DMD: variants seen among roughly 807,000 people sequenced by gnomAD.
DMD encodes dystrophin, also known as mutant dystrophin.
Under a neutral mutation model 330.1 loss-of-function variants are expected in DMD, and 63 were observed. The ratio of observed to expected loss-of-function variants is 0.19; its 90% CI spans 0.16 to 0.24. The LOEUF (loss-of-function observed/expected upper bound fraction) is 0.24. Ranked by LOEUF, DMD falls within the 10% of genes least tolerant of loss-of-function variation. DMD has a pLI of 1.00. For synonymous variants in DMD, 1,223 were observed against 959.8 expected, an observed-to-expected ratio of 1.27 and a Z score of -5.07; for missense variants, 3,344 against 2,684.1, an observed-to-expected ratio of 1.25 and a Z score of -5.43.
intron 11 of DMD, among the ~76,000 whole-genome samples, chrX:32,630,715 C>G (rs1181514096): frequency 9.0e-6 from 1 of 111,713 alleles, no homozygotes; most frequent in East Asian, 2.8e-4. Context: ...GTGTAGGATT[C>G]TGAATTCCTT....
chrX:32,293,314 A>G (rs2097481626), intron 42 of DMD, among the ~76,000 whole-genome samples: 1 of 111,911 alleles, frequency 8.9e-6, no homozygotes, highest in Admixed American at 9.5e-5. Flanking sequence ...TTAGGGTGAA[A>G]AGAGTGAGAA....
At chrX:33,107,878 A>C (rs767940553) in intron 1 of DMD, among the ~76,000 whole-genome samples, 6 of 111,766 alleles carry the variant, frequency 5.4e-5, no homozygotes, top group African/African-American at 1.9e-4. Context: ...TTATCTAGGA[A>C]TATTTTTCCT....
intron 47 of DMD, among the ~76,000 whole-genome samples, chrX:31,890,329 T>C (rs1263515976): frequency 1.1e-5 from 1 of 94,992 alleles, no homozygotes; most frequent in African/African-American, 4.0e-5. Context: ...GGAGGCAACA[T>C]AGTGAGATTG....
At chrX:31,415,136 G>A (rs935856471) in intron 60 of DMD, among the ~76,000 whole-genome samples, 1 of 112,118 alleles carries the variant, frequency 8.9e-6, no homozygotes, top group African/African-American at 3.2e-5. Flanking sequence ...AAACCAGCCT[G>A]GACAATCCCA....
intron 12 of DMD, among the ~76,000 whole-genome samples, chrX:32,613,712 A>G (rs2057349237): frequency 1.8e-5 from 2 of 110,840 alleles, no homozygotes; most frequent in South Asian, 7.6e-4. Flanking sequence ...ATTTTTAATA[A>G]ATCACATACC....
chrX:32,252,825 TATATATAAATATATATAA>T (rs1412088813), intron 43 of DMD, among the ~76,000 whole-genome samples: 4,926 of 62,332 alleles, frequency 0.079, 377 homozygotes, highest in Non-Finnish European at 0.1. Context: ...AGTATATAAA[TATATATAAATATATATAA>T]ATATATAAAT....
intron 60 of DMD, 31 bp from the exon 61 acceptor site, chrX:31,348,665 C>T (rs770981356): frequency 2.3e-5 from 26 of 1,125,400 alleles, no homozygotes; most frequent in Non-Finnish European, 3.2e-5. Flanking sequence ...ATGATGTTCT[C>T]TCATTCTATA....
intron 9 of DMD, among the ~76,000 whole-genome samples, chrX:32,648,240 C>T (rs900308537): frequency 9.0e-6 from 1 of 111,186 alleles, no homozygotes; most frequent in African/African-American, 3.3e-5. Context: ...TCAAAGACAG[C>T]CTTCTTAAAG....
At chrX:33,067,578 C>T (rs2094684052) in intron 1 of DMD, among the ~76,000 whole-genome samples, 1 of 112,312 alleles carries the variant, frequency 8.9e-6, no homozygotes, top group African/African-American at 3.2e-5. Context: ...CGGTGGCTCA[C>T]GCCTGTAATC....
At chrX:32,227,084 C>A (rs944167668) in intron 43 of DMD, among the ~76,000 whole-genome samples, 27 of 104,613 alleles carry the variant, frequency 2.6e-4, no homozygotes, top group African/African-American at 8.6e-4. Context: ...TGTTTTAAAC[C>A]AAAACAATAT....
At chrX:32,764,581 TATC>T (rs1324308536) in intron 7 of DMD, among the ~76,000 whole-genome samples, 3 of 111,668 alleles carry the variant, frequency 2.7e-5, no homozygotes, top group Admixed American at 1.9e-4. Context: ...CCCCTTAGCA[TATC>T]ATCATCAAGA....
intron 44 of DMD, among the ~76,000 whole-genome samples, chrX:32,132,059 G>C (rs2096698167): frequency 8.9e-6 from 1 of 111,899 alleles, no homozygotes. Context: ...AGGGATGAAG[G>C]CTTTTTAATC....
chrX:32,058,400 A>G (rs1270737170), intron 44 of DMD, among the ~76,000 whole-genome samples: 1 of 110,188 alleles, frequency 9.1e-6, no homozygotes, highest in Non-Finnish European at 1.9e-5. Context: ...AAATTCGAAC[A>G]ACCCAATTTT....
chrX:31,384,350 CTACT>C (rs2060345461), intron 60 of DMD, among the ~76,000 whole-genome samples: 1 of 110,400 alleles, frequency 9.1e-6, no homozygotes, highest in Admixed American at 9.7e-5. Flanking sequence ...ACTACTACTA[CTACT>C]ACTACTACTT....
intron 64 of DMD, among the ~76,000 whole-genome samples, chrX:31,213,762 C>T (rs1279268741): frequency 8.9e-6 from 1 of 112,237 alleles, no homozygotes; most frequent in Non-Finnish European, 1.9e-5. Context: ...ACTGTCAGGG[C>T]AGTGAGTGTC....
At chrX:32,086,333 C>A (rs2096438702) in intron 44 of DMD, among the ~76,000 whole-genome samples, 1 of 111,787 alleles carries the variant, frequency 8.9e-6, no homozygotes, top group South Asian at 3.7e-4. Flanking sequence ...GAGTACAGAT[C>A]TCTAAAATGT....
intron 61 of DMD, among the ~76,000 whole-genome samples, chrX:31,347,067 T>TGCCCATAG (rs1330557486): frequency 1.3e-5 from 1 of 79,741 alleles, no homozygotes; most frequent in Non-Finnish European, 2.4e-5. Context: ...GGAAAGGAAA[T>TGCCCATAG]GCCCATAGGC....
chrX:32,121,885 T>A (rs1248791101), intron 44 of DMD, among the ~76,000 whole-genome samples: 3 of 108,647 alleles, frequency 2.8e-5, no homozygotes, highest in Non-Finnish European at 3.8e-5. Context: ...CATTTTAGAA[T>A]TCTCAGATTT....
At chrX:31,877,658 G>C (rs1406807775) in intron 47 of DMD, among the ~76,000 whole-genome samples, 2 of 86,897 alleles carry the variant, frequency 2.3e-5, no homozygotes, top group African/African-American at 8.8e-5. Flanking sequence ...CACCTGTGGT[G>C]CTGAACTCTT....
Sources: gnomAD v4.1 joint callset for allele counts (sites outside exome capture counted in the v4.1 genomes callset) on GRCh38, gnomAD v4.1.1 for gene constraint, MANE v1.5 for transcripts, NCBI Gene and HGNC (gene_info 2026-07-23, HGNC 2026-07-21) for gene names.